The following DLGAP2 variants were observed in gnomAD, a reference collection of about 807,000 sequenced individuals.
DLGAP2 encodes the protein DLG associated protein 2.
Under a neutral mutation model 100.3 loss-of-function variants are expected in DLGAP2, and 26 were observed. That is an observed-to-expected ratio of 0.26 (90% CI 0.19 to 0.36). The LOEUF (loss-of-function observed/expected upper bound fraction) is 0.36, where lower values mean the gene tolerates loss of function less well. Ranked by LOEUF, DLGAP2 falls within the 10% of genes least tolerant of loss-of-function variation. The pLI is 1.00. For synonymous variants in DLGAP2, 886 were observed against 630.1 expected (o/e 1.41, Z -6.08); for missense variants, 1,858 against 1,453.2 (o/e 1.28, Z -4.53).
intron 1 of DLGAP2, among the ~76,000 whole-genome samples, chr8:766,480 A>G (rs1585840192): frequency 6.6e-6 from 1 of 152,296 alleles, no homozygotes; most frequent in Admixed American, 6.5e-5. Context: ...GGTGACCCAA[A>G]TTAGTGCAGC....
intron 1 of DLGAP2, among the ~76,000 whole-genome samples, chr8:790,781 T>C (rs1389831256): frequency 6.6e-6 from 1 of 152,214 alleles, no homozygotes; most frequent in Non-Finnish European, 1.5e-5. Flanking sequence ...GGTTTCTTTC[T>C]GTTGCCCAGG....
intron 3 of DLGAP2, among the ~76,000 whole-genome samples, chr8:1,285,339 T>C (rs904429170): frequency 2.0e-5 from 3 of 152,224 alleles, no homozygotes; most frequent in Non-Finnish European, 2.9e-5. Flanking sequence ...TAATAATGTC[T>C]TTTGATTTAT....
At chr8:1,136,660 C>T (rs142518798) in intron 2 of DLGAP2, among the ~76,000 whole-genome samples, 4 of 152,230 alleles carry the variant, frequency 2.6e-5, no homozygotes, top group African/African-American at 7.2e-5. Context: ...TTTCTCTATG[C>T]TCTTCAAATT....
At chr8:897,087 C>A (rs970646819) in intron 1 of DLGAP2, among the ~76,000 whole-genome samples, 1 of 152,116 alleles carries the variant, frequency 6.6e-6, no homozygotes, top group Non-Finnish European at 1.5e-5. Flanking sequence ...GAATCGGAGC[C>A]CCCTTCCTGC....
At position 1,549,382 on chromosome 8, in the gene DLGAP2, G is replaced by T. The variant is rs1290642653; in HGVS notation, c.929G>T (p.Arg310Leu). 1 of 1,613,444 alleles carries T rather than the reference G, an allele frequency of 6.2e-7. No homozygotes were observed. Among genetic ancestry groups the T allele is most frequent in the South Asian group, 1.1e-5 (1 of 91,080 alleles). Residue 310 changes from arginine to leucine, a missense_variant, in exon 5 of 15, where the codon CGG becomes CTG. Coordinates refer to ENST00000637795, the MANE Select transcript of DLGAP2 (RefSeq NM_001346810.2). ...DDNLDSDSTYRTPSVLNRHHL... is the reference protein window; with the variant it reads ...DDNLDSDSTYLTPSVLNRHHL... ...AACCTGGACAGCGACAGCACCTATC[G>T]GACGCCCAGCGTGCTCAACCGGCAC...
chr8:1,663,712 G>C (rs1030217118), intron 8 of DLGAP2, among the ~76,000 whole-genome samples: 1 of 152,134 alleles, frequency 6.6e-6, no homozygotes, highest in Non-Finnish European at 1.5e-5. Flanking sequence ...TGTGGATCCT[G>C]TAAGTGAAAC....
At chr8:1,343,435 G>A (rs936302329) in intron 3 of DLGAP2, among the ~76,000 whole-genome samples, 9 of 152,124 alleles carry the variant, frequency 5.9e-5, no homozygotes, top group African/African-American at 1.9e-4. Context: ...GGCTTGGGGT[G>A]CCCAAGTGAC....
intron 1 of DLGAP2, among the ~76,000 whole-genome samples, chr8:880,731 G>A (rs914753189): frequency 6.6e-6 from 1 of 152,242 alleles, no homozygotes; most frequent in African/African-American, 2.4e-5. Context: ...TGGTATCTGT[G>A]CTGGGGAGAC....
intron 5 of DLGAP2, 47 bp downstream of exon 5, chr8:1,549,730 G>A (rs1801695937): frequency 6.8e-7 from 1 of 1,471,722 alleles, no homozygotes; most frequent in Non-Finnish European, 9.0e-7. Flanking sequence ...CACAGCAGGT[G>A]GTATTGTCGT....
chr8:1,098,306 A>C (rs1308383785), intron 2 of DLGAP2, among the ~76,000 whole-genome samples: 1 of 152,170 alleles, frequency 6.6e-6, no homozygotes, highest in Non-Finnish European at 1.5e-5. Context: ...CAAAATGGCA[A>C]ATGAGGTGCC....
intron 8 of DLGAP2, among the ~76,000 whole-genome samples, chr8:1,644,607 C>T (rs76648274): frequency 5.9e-5 from 9 of 152,212 alleles, no homozygotes; most frequent in African/African-American, 2.2e-4. Flanking sequence ...CTTCCCACTC[C>T]CTGACCAGGA....
At chr8:1,519,313 T>TA (rs35840589) in intron 4 of DLGAP2, among the ~76,000 whole-genome samples, 8 of 151,376 alleles carry the variant, frequency 5.3e-5, no homozygotes, top group African/African-American at 9.7e-5. Flanking sequence ...TTGGAAATCT[T>TA]AAAAAAAAAA....
At chr8:976,990 A>G (rs1800181378) in intron 2 of DLGAP2, among the ~76,000 whole-genome samples, 1 of 152,234 alleles carries the variant, frequency 6.6e-6, no homozygotes, top group South Asian at 2.1e-4. Context: ...TCAGAGAATG[A>G]AATGACAAGC....
intron 4 of DLGAP2, among the ~76,000 whole-genome samples, chr8:1,544,845 G>A (rs1801480936): frequency 6.6e-6 from 1 of 151,406 alleles, no homozygotes; most frequent in Admixed American, 6.6e-5. Context: ...CGATTCTCCT[G>A]CATCAGCCTC....
chr8:1,537,895 T>C (rs1341437673), intron 4 of DLGAP2, among the ~76,000 whole-genome samples: 1 of 152,178 alleles, frequency 6.6e-6, no homozygotes. Context: ...TTTAAGAAGA[T>C]GCTCATAGGA....
chr8:838,772 T>C (rs1329435611), intron 1 of DLGAP2, among the ~76,000 whole-genome samples: 1 of 152,210 alleles, frequency 6.6e-6, no homozygotes, highest in Non-Finnish European at 1.5e-5. Context: ...AAAAAGAGCC[T>C]TCTTGCTTGC....
chr8:1,541,382 C>G (rs1349800493), intron 4 of DLGAP2, among the ~76,000 whole-genome samples: 1 of 152,092 alleles, frequency 6.6e-6, no homozygotes, highest in Non-Finnish European at 1.5e-5. Flanking sequence ...TAAGACAAGG[C>G]AGAGCATAAA....
At chr8:1,188,251 G>A (rs1466344024) in intron 2 of DLGAP2, among the ~76,000 whole-genome samples, 4 of 131,482 alleles carry the variant, frequency 3.0e-5, no homozygotes, top group Admixed American at 7.6e-5. Context: ...TTTCCCTCAC[G>A]GAATCTCACA....
chr8:1,636,697 G>C (rs150050077), intron 8 of DLGAP2, among the ~76,000 whole-genome samples: 2 of 152,292 alleles, frequency 1.3e-5, no homozygotes, highest in East Asian at 3.9e-4. Context: ...AATTTTCATC[G>C]TGGACTAAAC....
Sources: gnomAD v4.1 joint callset for allele counts (sites outside exome capture counted in the v4.1 genomes callset) on GRCh38, gnomAD v4.1.1 for gene constraint, MANE v1.5 for transcripts, NCBI Gene and HGNC (gene_info 2026-07-23, HGNC 2026-07-21) for gene names.